The following ROBO2 variants were observed in gnomAD, a reference collection of about 807,000 sequenced individuals.
ROBO2 encodes the protein roundabout homolog 2.
ROBO2 carries 53 observed loss-of-function variants against 160.8 expected under a neutral mutation model. That is an observed-to-expected ratio of 0.33 (90% CI 0.26 to 0.41). The LOEUF is 0.41. Ranked by LOEUF, ROBO2 falls within the 10% of genes least tolerant of loss-of-function variation. ROBO2 has a pLI of 1.00. For synonymous variants in ROBO2, 664 were observed against 611.7 expected, an observed-to-expected ratio of 1.09 and a Z score of -1.26; for missense variants, 1,577 against 1,722.4, an observed-to-expected ratio of 0.92 and a Z score of 1.49.
At chr3:76,900,114 C>G (rs367976999) in intron 2 of ROBO2, among the ~76,000 whole-genome samples, 1 of 152,074 alleles carries the variant, frequency 6.6e-6, no homozygotes, top group Non-Finnish European at 1.5e-5. Flanking sequence ...AGCTTGTGCC[C>G]TGCACAAGCT....
chr3:77,237,465 A>G (rs2088240491), intron 2 of ROBO2, among the ~76,000 whole-genome samples: 2 of 115,028 alleles, frequency 1.7e-5, no homozygotes, highest in Non-Finnish European at 3.9e-5. Context: ...AGGTCTCACT[A>G]TCTTGCCCAA....
intron 2 of ROBO2, among the ~76,000 whole-genome samples, chr3:76,071,869 A>T (rs1350684498): frequency 6.6e-6 from 1 of 152,116 alleles, no homozygotes; most frequent in Non-Finnish European, 1.5e-5. Flanking sequence ...CTTAATGTCA[A>T]GCTAACACCT....
chr3:76,927,651 A>AT (rs2077068292), intron 2 of ROBO2, among the ~76,000 whole-genome samples: 1 of 152,222 alleles, frequency 6.6e-6, no homozygotes, highest in East Asian at 1.9e-4. Context: ...TATAGCTTAT[A>AT]TTTTTAAATA....
intron 2 of ROBO2, among the ~76,000 whole-genome samples, chr3:76,006,006 G>T (rs662919): frequency 0.76 from 116,224 of 152,036 alleles, 45,490 homozygotes; most frequent in South Asian, 0.9. Context: ...AAATACATAT[G>T]TGACCAGTTA....
chr3:76,356,763 T>C (rs566230180), intron 2 of ROBO2, among the ~76,000 whole-genome samples: 1 of 151,952 alleles, frequency 6.6e-6, no homozygotes, highest in African/African-American at 2.4e-5. Flanking sequence ...TGGTCTAGAC[T>C]TTATTGACTT....
At chr3:77,509,353 C>T (rs2089060313) in intron 5 of ROBO2, among the ~76,000 whole-genome samples, 4 of 152,034 alleles carry the variant, frequency 2.6e-5, no homozygotes, top group Admixed American at 2.0e-4. Context: ...GCTTAACAAT[C>T]CCGCATACAT....
At chr3:77,024,506 C>A (rs991868929) in intron 2 of ROBO2, among the ~76,000 whole-genome samples, 2 of 152,052 alleles carry the variant, frequency 1.3e-5, no homozygotes, top group Non-Finnish European at 2.9e-5. Context: ...TAAGCATATA[C>A]AATGCTATGA....
At chr3:77,436,423 T>G (rs73099891) in intron 2 of ROBO2, among the ~76,000 whole-genome samples, 2 of 151,656 alleles carry the variant, frequency 1.3e-5, no homozygotes, top group African/African-American at 4.8e-5. Flanking sequence ...TATGGAAAAA[T>G]AGCCTACCAC....
At chr3:76,043,241 A>T (rs1301676322) in intron 2 of ROBO2, among the ~76,000 whole-genome samples, 1 of 151,912 alleles carries the variant, frequency 6.6e-6, no homozygotes, top group Non-Finnish European at 1.5e-5. Flanking sequence ...ACATTTTGCC[A>T]CTGTGCTTTT....
At chr3:76,635,926 C>T (rs2090305359) in intron 2 of ROBO2, among the ~76,000 whole-genome samples, 1 of 152,174 alleles carries the variant, frequency 6.6e-6, no homozygotes, top group Non-Finnish European at 1.5e-5. Flanking sequence ...GGACAATTAG[C>T]AGAGCATCAG....
At chr3:77,328,397 A>G (rs1422772950) in intron 2 of ROBO2, among the ~76,000 whole-genome samples, 2 of 152,226 alleles carry the variant, frequency 1.3e-5, no homozygotes, top group Non-Finnish European at 2.9e-5. Flanking sequence ...AGCTGGAGCA[A>G]CAATGCAGAA....
intron 2 of ROBO2, among the ~76,000 whole-genome samples, chr3:77,207,125 A>G (rs536069359): frequency 6.6e-6 from 1 of 152,312 alleles, no homozygotes; most frequent in Admixed American, 6.5e-5. Context: ...GGCAACGCAA[A>G]CTATAGTTAT....
chr3:76,723,755 C>G (rs1161515585), intron 2 of ROBO2, among the ~76,000 whole-genome samples: 1 of 152,214 alleles, frequency 6.6e-6, no homozygotes, highest in African/African-American at 2.4e-5. Context: ...TTTCATACTG[C>G]TATCAACAAT....
chr3:76,064,856 C>G (rs2068198468), intron 2 of ROBO2, among the ~76,000 whole-genome samples: 1 of 151,984 alleles, frequency 6.6e-6, no homozygotes, highest in Non-Finnish European at 1.5e-5. Context: ...CCTAATAATA[C>G]CTATCTTTTC....
At position 77,031,683 on chromosome 3, in the gene ROBO2, GTAAT is replaced by G. The variant is rs949125239; in HGVS notation, c.110-66324_110-66321del. Among the ~76,000 whole-genome samples, 43 of 144,768 alleles carry G rather than the reference GTAAT, an allele frequency of 3.0e-4. No homozygotes were observed. The East Asian group carries it at 7.9e-3, about 27-fold the overall frequency. The allele number at this position is 144,768 out of a possible 152,430, so 95.0% of individuals were successfully genotyped here. On this transcript the variant is annotated intron_variant, in intron 2 of 26. Transcript: ENST00000487694. Reference sequence around the variant, plus strand: ...TAATATATAATATATTAAATTTAATGTAATTAATTATAATATAATACATTATAAT... The same window carrying G: ...TAATATATAATATATTAAATTTAATGTAATTATAATATAATACATTATAAT...
intron 1 of ROBO2, among the ~76,000 whole-genome samples, chr3:77,058,594 G>A (rs367754995): frequency 2.6e-5 from 4 of 152,226 alleles, no homozygotes; most frequent in Admixed American, 1.3e-4. Context: ...GTATAGTGGT[G>A]CAATCTTGGC....
chr3:76,986,871 G>T (rs1372062072), intron 2 of ROBO2, among the ~76,000 whole-genome samples: 4 of 147,586 alleles, frequency 2.7e-5, no homozygotes, highest in Non-Finnish European at 6.1e-5. Context: ...AATATAATAA[G>T]TAAACCCCTA....
At chr3:77,392,885 G>A (rs1368566852) in intron 2 of ROBO2, among the ~76,000 whole-genome samples, 1 of 152,076 alleles carries the variant, frequency 6.6e-6, no homozygotes, top group African/African-American at 2.4e-5. Context: ...AACAAATCTT[G>A]AACAAAACAA....
At chr3:77,049,254 C>A (rs546855032) in intron 1 of ROBO2, among the ~76,000 whole-genome samples, 114 of 152,152 alleles carry the variant, frequency 7.5e-4, no homozygotes, top group African/African-American at 2.6e-3. Context: ...TCCTTGAGCC[C>A]AGGAGGTTGA....
Sources: gnomAD v4.1 joint callset for allele counts (sites outside exome capture counted in the v4.1 genomes callset) on GRCh38, gnomAD v4.1.1 for gene constraint, MANE v1.5 for transcripts, NCBI Gene and HGNC (gene_info 2026-07-23, HGNC 2026-07-21) for gene names.